RAB11FIP3: variants seen among roughly 807,000 people sequenced by gnomAD.
RAB11FIP3 encodes the protein RAB11 family interacting protein 3.
RAB11FIP3 carries 17 observed loss-of-function variants against 77.8 expected under a neutral mutation model. That is an observed-to-expected ratio of 0.22 (90% CI 0.15 to 0.33). The LOEUF (loss-of-function observed/expected upper bound fraction) is 0.33, where lower values mean the gene tolerates loss of function less well. Among genes scored for constraint, RAB11FIP3 ranks in the 10% least tolerant of loss-of-function variants. RAB11FIP3 has a pLI of 1.00. For synonymous variants in RAB11FIP3, 437 were observed against 448.2 expected, an observed-to-expected ratio of 0.98 and a Z score of 0.31; for missense variants, 1,005 against 1,011.2, an observed-to-expected ratio of 0.99 and a Z score of 0.08.
rs1414037890 is a variant in RAB11FIP3 at position 507,053 on chromosome 16, A to T, written c.1499+1426A>T. Among the ~76,000 whole-genome samples the T allele has an allele frequency of 7.1e-6, 1 of 141,366 alleles. No individual in the cohort carries two copies. Among genetic ancestry groups the T allele is most frequent in the Non-Finnish European group, 1.5e-5 (1 of 65,586 alleles). The allele number at this position is 141,366 out of a possible 152,430, so 92.7% of individuals were successfully genotyped here. A position where few individuals can be genotyped will look rare whatever the true frequency, so the allele number is the denominator to read the frequency against. On this transcript the variant is annotated intron_variant, in intron 8 of 13. Coordinates refer to ENST00000262305, the MANE Select transcript of RAB11FIP3 (RefSeq NM_014700.4). This position sits in a 1 kb window ranked among gnomAD's most constrained non-coding sequence, Gnocchi z 4.6. ...AGCCTCCACCTCCCAGGCTCAAGCGACCCGCCTCCCTCAGCCTTCGATGTA... is the reference window on the plus strand; with the variant it reads ...AGCCTCCACCTCCCAGGCTCAAGCGTCCCGCCTCCCTCAGCCTTCGATGTA...
At chr16:457,899 A>G (rs1264187839) in intron 1 of RAB11FIP3, among the ~76,000 whole-genome samples, 7 of 152,206 alleles carry the variant, frequency 4.6e-5, no homozygotes, top group Admixed American at 4.6e-4. Context: ...GAATGAGCTT[A>G]GGAATGAGGA....
At chr16:430,964 G>T (rs955151057) in intron 1 of RAB11FIP3, among the ~76,000 whole-genome samples, 5 of 152,232 alleles carry the variant, frequency 3.3e-5, no homozygotes, top group East Asian at 1.9e-4. Flanking sequence ...TTCTGGGATT[G>T]CAGGCATGAG....
intron 6 of RAB11FIP3, chr16:497,193 TG>T: frequency 9.1e-7 from 1 of 1,097,608 alleles, no homozygotes; most frequent in Non-Finnish European, 1.2e-6. Flanking sequence ...GTGAGGAGCC[TG>T]GCTTCTCAGA....
At chr16:441,054 C>T (rs1026061921) in intron 1 of RAB11FIP3, among the ~76,000 whole-genome samples, 7 of 152,164 alleles carry the variant, frequency 4.6e-5, no homozygotes, top group Admixed American at 3.9e-4. Context: ...GATTCTCCCG[C>T]GTCTGCCTCC....
intron 2 of RAB11FIP3, among the ~76,000 whole-genome samples, chr16:465,112 G>C (rs933702959): frequency 6.6e-6 from 1 of 152,112 alleles, no homozygotes; most frequent in Non-Finnish European, 1.5e-5. Flanking sequence ...GGTCTCAGTC[G>C]CAGGGAGGAG....
At chr16:476,776 CAAA>C (rs1299433127) in intron 3 of RAB11FIP3, among the ~76,000 whole-genome samples, 6 of 53,630 alleles carry the variant, frequency 1.1e-4, no homozygotes, top group Admixed American at 2.2e-4. Context: ...GACTCTGTCT[CAAA>C]AAAAAAAAAA....
chr16:450,564 T>C (rs1193102331), intron 1 of RAB11FIP3, among the ~76,000 whole-genome samples: 1 of 152,086 alleles, frequency 6.6e-6, no homozygotes, highest in African/African-American at 2.4e-5. Context: ...CTTGAGGGTG[T>C]CCCCATGGGG....
Position 488,848 on chromosome 16 carries a change from C to T in RAB11FIP3, c.1116-3C>T. 2 of 1,613,018 alleles carry T rather than the reference C, an allele frequency of 1.2e-6. No homozygotes were observed. The highest frequency in any genetic ancestry group is 1.3e-5 in the African/African-American group (1 of 74,978). ...AAGACATCATTTCTGTTTTACTTTG[C>T]AGGCCTCACCCCCATGGCCAGTCTG... On this transcript the variant is annotated splice_region_variant and splice_polypyrimidine_tract_variant and intron_variant, in intron 4 of 13. Coordinates refer to ENST00000262305, the MANE Select transcript of RAB11FIP3 (RefSeq NM_014700.4).
At chr16:450,177 T>C (rs1197688363) in intron 1 of RAB11FIP3, among the ~76,000 whole-genome samples, 3 of 151,964 alleles carry the variant, frequency 2.0e-5, no homozygotes, top group Non-Finnish European at 2.9e-5. Context: ...CAAACTTTTT[T>C]TCTCTTTCTT....
At chr16:439,303 C>G (rs2055186421) in intron 1 of RAB11FIP3, 1 of 152,210 alleles carries the variant, frequency 6.6e-6, no homozygotes, top group Non-Finnish European at 1.5e-5. Flanking sequence ...CTGTTCATGG[C>G]TAGTCAAGTG....
At chr16:451,622 G>A (rs1380574404) in intron 1 of RAB11FIP3, 1 of 152,166 alleles carries the variant, frequency 6.6e-6, no homozygotes, top group Non-Finnish European at 1.5e-5. Context: ...ATTACCTGAG[G>A]TCAGGAGTTC....
At chr16:437,517 C>T (rs1304954997) in intron 1 of RAB11FIP3, among the ~76,000 whole-genome samples, 1 of 139,440 alleles carries the variant, frequency 7.2e-6, no homozygotes, top group Non-Finnish European at 1.5e-5. Context: ...TTGCAGTGAG[C>T]TGAGATAGTG....
intron 1 of RAB11FIP3, among the ~76,000 whole-genome samples, chr16:442,458 G>C (rs1006643059): frequency 6.6e-6 from 1 of 152,180 alleles, no homozygotes; most frequent in Admixed American, 6.5e-5. Flanking sequence ...GCTATTTCAG[G>C]AGGAGCTGCA....
chr16:485,870 A>T (rs552446676), intron 4 of RAB11FIP3, among the ~76,000 whole-genome samples: 1 of 152,294 alleles, frequency 6.6e-6, no homozygotes, highest in African/African-American at 2.4e-5. Context: ...TTACCTTCAT[A>T]TTCAGATCTG....
rs1425572525 is a variant in RAB11FIP3, at chr16:507,732, A to C, written c.1499+2105A>C. On this transcript the variant is annotated intron_variant, in intron 8 of 13. Transcript: ENST00000262305. This position sits in a 1 kb window ranked among gnomAD's most constrained non-coding sequence, Gnocchi z 4.6. ...CTGTGGTGCTCACCTCCAACGTCCT[A>C]AACAACACGTTTCCCGTTTTCAGTA... Among the ~76,000 whole-genome samples, 1 of 152,188 alleles carries C rather than the reference A, an allele frequency of 6.6e-6. No individual in the cohort carries two copies. Among genetic ancestry groups the C allele is most frequent in the Non-Finnish European group, 1.5e-5 (1 of 68,046 alleles).
chr16:457,083 A>G (rs1276218932), intron 1 of RAB11FIP3, among the ~76,000 whole-genome samples: 1 of 152,106 alleles, frequency 6.6e-6, no homozygotes. Context: ...AGCTTTGTTG[A>G]AAACAGTATA....
rs56228402 is a variant in RAB11FIP3 at position 480,286 on chromosome 16, C to CAAAAAAAA, written c.904-2226_904-2219dup. ...GGCAGGAAGAGTAAAACTCCTTCTC[C>CAAAAAAAA]AAAAAAAAAAAAAAAAAAAAGTTGA... On this transcript the variant is annotated intron_variant, in intron 3 of 13. Transcript: ENST00000262305. 2.4e-3 allele frequency among the ~76,000 whole-genome samples: 194 copies of CAAAAAAAA among 79,812 alleles called. 2 individuals carry two copies. The highest frequency in any genetic ancestry group is 3.5e-3 in the Non-Finnish European group (151 of 42,564). 52.4% of individuals were successfully genotyped at this position (79,812 alleles called of 152,430 possible).
intron 1 of RAB11FIP3, among the ~76,000 whole-genome samples, chr16:439,096 G>A (rs907953175): frequency 2.0e-5 from 3 of 152,172 alleles, no homozygotes; most frequent in Non-Finnish European, 4.4e-5. Flanking sequence ...TGATCCTCCC[G>A]CCTTAGCCTC....
chr16:503,754 A>G (rs1011763415), intron 7 of RAB11FIP3, among the ~76,000 whole-genome samples: 1 of 151,942 alleles, frequency 6.6e-6, no homozygotes, highest in Non-Finnish European at 1.5e-5. Flanking sequence ...GTGGCGGGCA[A>G]CTGTAATCCC....
Sources: gnomAD v4.1 joint callset for allele counts (sites outside exome capture counted in the v4.1 genomes callset) on GRCh38, gnomAD v4.1.1 for gene constraint, Gnocchi (gnomAD v3.1) non-coding constraint, MANE v1.5 for transcripts, NCBI Gene and HGNC (gene_info 2026-07-23, HGNC 2026-07-21) for gene names.